Variants in KRT79 observed in about 807,000 individuals in gnomAD.
KRT79 encodes the protein keratin, type II cytoskeletal 79.
In KRT79, 51 loss-of-function variants were observed where a neutral mutation model predicts 49.0. The observed-to-expected ratio is 1.04, with a 90% CI of 0.83 to 1.31. The LOEUF is 1.31. Among genes scored for constraint, KRT79 ranks in the 40% most tolerant of loss-of-function variants. The probability of loss-of-function intolerance (pLI) is 0.00; values close to 1 mark genes in which losing one functional copy is unlikely to be tolerated. For missense variants in KRT79, 728 were observed against 688.0 expected, an observed-to-expected ratio of 1.06 and a Z score of -0.65; for synonymous variants, 312 against 286.6, an observed-to-expected ratio of 1.09 and a Z score of -0.90.
Position 52,822,395 on chromosome 12 carries a change from A to G in KRT79, c.1368-16T>C. On this transcript the variant is annotated splice_polypyrimidine_tract_variant and intron_variant, in intron 7 of 8. Coordinates refer to ENST00000330553, the MANE Select transcript of KRT79 (RefSeq NM_175834.3). ...TCCAGACATCCTAGGGGACACAGAA[A>G]GGCCAGGAGAGCAGTCAGTTATCCC... 6.4e-7 allele frequency: 1 copy of G among 1,565,838 alleles called. No individual in the cohort carries two copies. The highest frequency in any genetic ancestry group is 1.4e-5 in the African/African-American group (1 of 73,802).
At chr12:52,828,503 AC>A (rs1269022598) in intron 4 of KRT79, among the ~76,000 whole-genome samples, 1 of 152,242 alleles carries the variant, frequency 6.6e-6, no homozygotes, top group Non-Finnish European at 1.5e-5. Context: ...CATCACTAAT[AC>A]ACTGGATAAA....
chr12:52,833,707 C>A (rs79336426), intron 1 of KRT79, 77 bp downstream of exon 1: 2 of 1,183,966 alleles, frequency 1.7e-6, no homozygotes, highest in South Asian at 2.5e-5. Flanking sequence ...GCTACAGCAG[C>A]CCTGGCCCAG....
intron 8 of KRT79, 104 bp downstream of exon 8, chr12:52,822,241 G>T: frequency 7.4e-7 from 1 of 1,348,334 alleles, no homozygotes; most frequent in South Asian, 1.2e-5. Context: ...CCAGGGGCTC[G>T]AATGGAGGAG....
rs540240578 is a variant in KRT79 at position 52,830,648 on chromosome 12, C to A, written c.699-356G>T. Reference sequence around the variant, plus strand: ...TTCAACAACACAGTGTCATTCAAACCAGCTAACTCCTCCCCAACCACTTTT... The same window carrying A: ...TTCAACAACACAGTGTCATTCAAACAAGCTAACTCCTCCCCAACCACTTTT... On this transcript the variant is annotated intron_variant, in intron 2 of 8. Coordinates refer to ENST00000330553, the MANE Select transcript of KRT79 (RefSeq NM_175834.3). Among the ~76,000 whole-genome samples, 93 of 152,214 alleles carry A rather than the reference C, an allele frequency of 6.1e-4. No homozygotes were observed. The South Asian group carries it at 0.018, about 30-fold the overall frequency.
chr12:52,833,232 A>T (rs377086869), intron 1 of KRT79, among the ~76,000 whole-genome samples: 2 of 152,206 alleles, frequency 1.3e-5, no homozygotes, highest in African/African-American at 4.8e-5. Context: ...GTGTAAAAAA[A>T]GGAGAAGCGG....
chr12:52,834,001 C>G lies in KRT79; in HGVS notation c.260G>C (p.Gly87Ala). 6.2e-7 allele frequency: 1 copy of G among 1,611,624 alleles called. No individual in the cohort carries two copies. Among genetic ancestry groups the G allele is most frequent in the Non-Finnish European group, 8.5e-7 (1 of 1,178,700 alleles). The change falls in exon 1 of 9, where the codon GGC becomes GCC. Residue 87 changes from glycine (G) to alanine (A), a missense_variant. Coordinates refer to ENST00000330553, the MANE Select transcript of KRT79 (RefSeq NM_175834.3). ...GGALLGRALGGFGFGSRAFMG... is the reference protein window; with the variant it reads ...GGALLGRALGAFGFGSRAFMG... ...AAATGCCCTGCTGCCAAAGCCAAAGCCCCCCAGAGCCCGCCCCAACAAGGC... is the reference window on the plus strand; with the variant it reads ...AAATGCCCTGCTGCCAAAGCCAAAGGCCCCCAGAGCCCGCCCCAACAAGGC...
chr12:52,834,143 G>A lies in KRT79; in HGVS notation c.118C>T (p.Arg40Trp), dbSNP rs762650014. The change falls in exon 1 of 9, where the codon CGG (arginine) becomes TGG (tryptophan). Residue 40 changes from arginine (R) to tryptophan (W), a missense_variant. Physicochemically the swap from Arg to Trp is moderately radical, Grantham distance 101 (BLOSUM62 -3). Transcript: ENST00000330553. The part of the protein sequence containing the change: ...RTSFSSVTVS[R>W]SSGSGGGAHC... ...GCCCCGCCACCACTGCCACTGCTCC[G>A]AGACACCGTCACTGAGCTGAAGCTG... The A allele has an allele frequency of 4.3e-5, 70 of 1,613,374 alleles. No individual in the cohort carries two copies. Among genetic ancestry groups the A allele is most frequent in the East Asian group, 1.1e-4 (5 of 44,846 alleles).
At position 52,831,924 on chromosome 12, in the gene KRT79, C is replaced by T. The variant is rs74523440; in HGVS notation, c.478-298G>A. On this transcript the variant is annotated intron_variant, in intron 1 of 8. Transcript: ENST00000330553. ...TTTCTCTCTGAGTCTCCCTCTCTCA[C>T]TTGTCCTGCATAAACTGGACTAGAT... Among the ~76,000 whole-genome samples, 373 of 152,364 alleles carry T rather than the reference C, an allele frequency of 2.4e-3. 18 individuals are homozygous for T. In the East Asian group the frequency reaches 0.068, roughly 28 times the overall value.
chr12:52,824,235 C>T lies in KRT79; in HGVS notation c.983G>A (p.Arg328Lys). 1 of 1,614,270 alleles carries T rather than the reference C, an allele frequency of 6.2e-7. No individual in the cohort carries two copies. ...CCAGGCCTCGGCCTCAGCCCGGCTC[C>T]TCTGGGCAATCAGCTCATACTGGGC... is the stretch of plus-strand genomic sequence containing the variant. ...VKAQYELIAQ[R>K]SRAEAEAWYQ... Residue 328 changes from arginine to lysine, a missense_variant, in exon 5 of 9, where the codon AGG becomes AAG. Coordinates refer to ENST00000330553, the MANE Select transcript of KRT79 (RefSeq NM_175834.3).
chr12:52,825,338 C>G (rs945416469), intron 4 of KRT79, among the ~76,000 whole-genome samples: 1 of 152,188 alleles, frequency 6.6e-6, no homozygotes, highest in Admixed American at 6.5e-5. Context: ...AAACACTGGC[C>G]CTTCATGGCA....
In KRT79 at chr12:52,829,628, C is replaced by T. The variant is rs182527644; in HGVS notation, c.855+395G>A. Among the ~76,000 whole-genome samples, 460 of 152,266 alleles carry T rather than the reference C, an allele frequency of 3.0e-3. 2 individuals carry two copies. The highest frequency in any genetic ancestry group is 6.8e-3 in the Middle Eastern group (2 of 294). On this transcript the variant is annotated intron_variant, in intron 4 of 8. Transcript: ENST00000330553. ...AAGTGTCAAGGTTTTAGGCTGGGTG[C>T]GGTGGCTCACGCCTGTAATCCCAGC...
At position 52,823,873 on chromosome 12, in the gene KRT79, C is replaced by T. The variant is rs1335822132; in HGVS notation, c.1146+14G>A. ...CACCTAGGCCAGACCCCCAAGCCCC[C>T]AGTAGAGTCCCACCTGCTTCTTGGC... On this transcript the variant is annotated intron_variant, in intron 6 of 8. Transcript: ENST00000330553. 1.2e-6 allele frequency: 2 copies of T among 1,610,956 alleles called. No homozygotes were observed. The highest frequency in any genetic ancestry group is 1.1e-5 in the South Asian group (1 of 90,944).
intron 7 of KRT79, among the ~76,000 whole-genome samples, chr12:52,822,634 C>G (rs959812874): frequency 6.6e-6 from 1 of 152,208 alleles, no homozygotes; most frequent in African/African-American, 2.4e-5. Context: ...GGGCTACGGA[C>G]AGCATCCCTG....
Position 52,821,656 on chromosome 12 carries a change from G to A in KRT79, c.*216C>T, listed in dbSNP as rs369498157. On this transcript the variant is annotated 3_prime_UTR_variant, in exon 9 of 9. Coordinates refer to ENST00000330553, the MANE Select transcript of KRT79 (RefSeq NM_175834.3). ...TCACCCAAGCACATCACTCAAGCTG[G>A]CAACTTTAACCTTCCCTCCCATCCT... 2.8e-4 allele frequency: 165 copies of A among 586,604 alleles called. No homozygotes were observed. In the African/African-American group the frequency reaches 2.8e-3, roughly 10 times the overall value. 36.3% of individuals were successfully genotyped at this position (586,604 alleles called of 1,614,324 possible).
chr12:52,823,772 G>T, intron 6 of KRT79, 115 bp downstream of exon 6: 1 of 1,240,146 alleles, frequency 8.1e-7, no homozygotes, highest in Non-Finnish European at 1.1e-6. Context: ...GTGATCAATG[G>T]CCTAGCATTC....
At chr12:52,829,977 C>T (rs1465530996) in intron 4 of KRT79, 46 bp downstream of exon 4, 2 of 1,507,976 alleles carry the variant, frequency 1.3e-6, no homozygotes, top group South Asian at 1.1e-5. Flanking sequence ...ACGCCCAGTG[C>T]TGTTTATAGT....
intron 4 of KRT79, among the ~76,000 whole-genome samples, chr12:52,829,209 AC>A (rs1276681342): frequency 2.0e-5 from 3 of 151,576 alleles, no homozygotes; most frequent in Non-Finnish European, 4.4e-5. Context: ...CAACCCTCTC[AC>A]TCTAGTCTCC....
intron 1 of KRT79, 122 bp downstream of exon 1, chr12:52,833,662 C>T (rs1940288926): frequency 3.6e-6 from 3 of 836,496 alleles, no homozygotes; most frequent in Non-Finnish European, 6.1e-6. Flanking sequence ...GGGAGAGCTC[C>T]AGAGCTCTAT....
chr12:52,832,023 C>T (rs756325920), intron 1 of KRT79, among the ~76,000 whole-genome samples: 1 of 152,206 alleles, frequency 6.6e-6, no homozygotes, highest in African/African-American at 2.4e-5. Context: ...AAATCACACA[C>T]TTTGGGAGCC....
Sources: gnomAD v4.1 joint callset for allele counts (sites outside exome capture counted in the v4.1 genomes callset) on GRCh38, gnomAD v4.1.1 for gene constraint, MANE v1.5 for transcripts, NCBI Gene and HGNC (gene_info 2026-07-23, HGNC 2026-07-21) for gene names.